Variants in PTPRT observed in about 807,000 individuals in gnomAD.
The protein encoded by PTPRT is receptor-type tyrosine-protein phosphatase T.
A neutral mutation model predicts 176.8 loss-of-function variants in PTPRT; 56 were observed. That is an observed-to-expected ratio of 0.32 (90% CI 0.26 to 0.40). The LOEUF is 0.40. Ranked by LOEUF, PTPRT falls within the 10% of genes least tolerant of loss-of-function variation. The pLI, the probability that PTPRT is intolerant of heterozygous loss-of-function variation, is 1.00. For missense variants in PTPRT, 1,540 were observed against 1,908.2 expected, an observed-to-expected ratio of 0.81 and a Z score of 3.60; for synonymous variants, 783 against 739.0, an observed-to-expected ratio of 1.06 and a Z score of -0.96.
At chr20:42,263,592 G>T (rs1056993000) in intron 13 of PTPRT, among the ~76,000 whole-genome samples, 2 of 151,294 alleles carry the variant, frequency 1.3e-5, no homozygotes. Flanking sequence ...TGTTGGTCAG[G>T]CTGGTCTAGA....
intron 1 of PTPRT, among the ~76,000 whole-genome samples, chr20:43,132,901 C>T (rs2867651): frequency 0.43 from 64,677 of 151,844 alleles, 14,402 homozygotes; most frequent in East Asian, 0.79. Flanking sequence ...TATAATATGA[C>T]ATATAATTAT....
intron 1 of PTPRT, among the ~76,000 whole-genome samples, chr20:42,996,356 G>A (rs781597737): frequency 6.6e-6 from 1 of 152,166 alleles, no homozygotes; most frequent in Non-Finnish European, 1.5e-5. Context: ...ACCCTGCAGC[G>A]ACTGCATATG....
At chr20:42,450,411 G>A (rs919605440) in intron 8 of PTPRT, among the ~76,000 whole-genome samples, 5 of 152,204 alleles carry the variant, frequency 3.3e-5, no homozygotes, top group African/African-American at 4.8e-5. Flanking sequence ...AAGTGCATGT[G>A]TATGTGTGTC....
intron 11 of PTPRT, among the ~76,000 whole-genome samples, chr20:42,319,513 C>T (rs2057769701): frequency 6.6e-6 from 1 of 152,140 alleles, no homozygotes; most frequent in Non-Finnish European, 1.5e-5. Flanking sequence ...CCCATGCATT[C>T]ACAGCCTGTC....
chr20:42,824,910 T>C, intron 2 of PTPRT, among the ~76,000 whole-genome samples: 1 of 151,536 alleles, frequency 6.6e-6, no homozygotes, highest in East Asian at 1.9e-4. Context: ...GCTTATAATA[T>C]ACATATATGG....
chr20:42,492,661 C>G (rs1178534227), intron 7 of PTPRT, among the ~76,000 whole-genome samples: 1 of 152,060 alleles, frequency 6.6e-6, no homozygotes, highest in East Asian at 1.9e-4. Flanking sequence ...TGTTTAGTAA[C>G]ATGTTATTTA....
chr20:42,132,775 A>C (rs1175713759), intron 18 of PTPRT, among the ~76,000 whole-genome samples: 4 of 152,216 alleles, frequency 2.6e-5, no homozygotes, highest in Admixed American at 1.3e-4. Flanking sequence ...TTACAAGACT[A>C]AACATACACT....
At chr20:42,485,683 C>T (rs1278991249) in intron 7 of PTPRT, among the ~76,000 whole-genome samples, 4 of 152,058 alleles carry the variant, frequency 2.6e-5, no homozygotes, top group Non-Finnish European at 5.9e-5. Context: ...ACAACTCCCC[C>T]ATCCCAGGAC....
intron 8 of PTPRT, among the ~76,000 whole-genome samples, chr20:42,468,196 A>G (rs2071132346): frequency 6.6e-6 from 1 of 152,162 alleles, no homozygotes; most frequent in Non-Finnish European, 1.5e-5. Flanking sequence ...CCAGAAGACA[A>G]TTTTGTGGCA....
chr20:42,524,181 AT>A (rs2072228201), intron 7 of PTPRT, among the ~76,000 whole-genome samples: 1 of 152,098 alleles, frequency 6.6e-6, no homozygotes, highest in Non-Finnish European at 1.5e-5. Flanking sequence ...GAACTTTACT[AT>A]TTTTTATATA....
At chr20:42,644,772 G>A (rs2074849498) in intron 7 of PTPRT, among the ~76,000 whole-genome samples, 1 of 152,110 alleles carries the variant, frequency 6.6e-6, no homozygotes, top group Non-Finnish European at 1.5e-5. Flanking sequence ...GTAAAGACCT[G>A]GGATAATGAT....
intron 1 of PTPRT, among the ~76,000 whole-genome samples, chr20:42,923,769 G>A (rs1448448214): frequency 6.6e-6 from 1 of 152,168 alleles, no homozygotes; most frequent in Non-Finnish European, 1.5e-5. Context: ...GGATGGCCAG[G>A]GCCTCTTGGG....
At chr20:43,166,508 T>C (rs1403600806) in intron 1 of PTPRT, among the ~76,000 whole-genome samples, 1 of 152,356 alleles carries the variant, frequency 6.6e-6, no homozygotes, top group South Asian at 2.1e-4. Flanking sequence ...CAGGATTTCA[T>C]GTGTGTTCTT....
At chr20:42,998,685 G>T (rs115140740) in intron 1 of PTPRT, among the ~76,000 whole-genome samples, 1 of 152,134 alleles carries the variant, frequency 6.6e-6, no homozygotes, top group Non-Finnish European at 1.5e-5. Context: ...TTCAATAAGC[G>T]ATTGCATCAA....
chr20:42,615,587 C>T lies in PTPRT; in HGVS notation c.1153+62279G>A, dbSNP rs570940460. Among the ~76,000 whole-genome samples the T allele has an allele frequency of 5.9e-5, 8 of 136,252 alleles. 2 individuals are homozygous for T. The highest frequency in any genetic ancestry group is 2.6e-4 in the African/African-American group (8 of 30,754). 89.4% of individuals were successfully genotyped at this position (136,252 alleles called of 152,430 possible). On this transcript the variant is annotated intron_variant, in intron 7 of 30. Transcript: ENST00000373187. ...AAGTGTTCCTATTTCTCCACATCCT[C>T]TCCAGCACCTGTTGTTTCCTGACTT...
chr20:42,683,079 C>A lies in PTPRT; in HGVS notation c.860-4920G>T, dbSNP rs1163459627. Among the ~76,000 whole-genome samples the A allele has an allele frequency of 5.9e-5, 9 of 151,304 alleles. No individual in the cohort carries two copies. The East Asian group carries it at 1.4e-3, about 23-fold the overall frequency. ...CTTTACACCACACGTCTCACCCCAC[C>A]TGATCACCCTTTTAACTGCATTTTC... On this transcript the variant is annotated intron_variant, in intron 6 of 30. Coordinates refer to ENST00000373187, the MANE Select transcript of PTPRT (RefSeq NM_007050.6).
chr20:43,184,089 A>T (rs924596951), intron 1 of PTPRT, among the ~76,000 whole-genome samples: 1 of 152,252 alleles, frequency 6.6e-6, no homozygotes, highest in African/African-American at 2.4e-5. Flanking sequence ...ACTGTTTACC[A>T]AAGTGACTCC....
chr20:43,063,020 TCAGAA>T (rs1987536189), intron 1 of PTPRT, among the ~76,000 whole-genome samples: 1 of 152,284 alleles, frequency 6.6e-6, no homozygotes, highest in Admixed American at 6.5e-5. Context: ...ACCTCCACAC[TCAGAA>T]AATTGCTTTG....
At chr20:43,087,363 C>CT (rs1207811758) in intron 1 of PTPRT, among the ~76,000 whole-genome samples, 99 of 50,348 alleles carry the variant, frequency 2.0e-3, no homozygotes, top group East Asian at 3.7e-3. Context: ...ACTGTCCGTC[C>CT]TTTTTTTTTT....
Sources: allele counts gnomAD v4.1 joint callset (sites outside exome capture counted in the v4.1 genomes callset), GRCh38; gene constraint gnomAD v4.1.1; transcripts MANE v1.5; gene names NCBI Gene and HGNC (gene_info 2026-07-23, HGNC 2026-07-21).